TMTC4: variants seen among roughly 807,000 people sequenced by gnomAD.
The protein encoded by TMTC4 is protein O-mannosyl-transferase TMTC4.
Under a neutral mutation model 86.0 loss-of-function variants are expected in TMTC4, and 65 were observed. The ratio of observed to expected loss-of-function variants is 0.76; its 90% confidence interval spans 0.62 to 0.93. The LOEUF (loss-of-function observed/expected upper bound fraction) is 0.93, where lower values mean the gene tolerates loss of function less well. TMTC4 is among the 40% of genes least tolerant of loss of function. TMTC4 has a pLI of 0.00. For missense variants in TMTC4, 866 were observed against 948.1 expected (o/e 0.91, Z 1.14); for synonymous variants, 379 against 382.5 (o/e 0.99, Z 0.11).
intron 16 of TMTC4, among the ~76,000 whole-genome samples, chr13:100,613,560 C>T (rs1010294592): frequency 6.6e-6 from 1 of 152,120 alleles, no homozygotes; most frequent in Non-Finnish European, 1.5e-5. Context: ...TAGTACTATC[C>T]ATGTCATTAG....
At chr13:100,659,907 T>C (rs1885557087) in intron 5 of TMTC4, among the ~76,000 whole-genome samples, 2 of 147,154 alleles carry the variant, frequency 1.4e-5, no homozygotes, top group South Asian at 4.5e-4. Context: ...TCAGGCACAC[T>C]AGATGGCTGA....
chr13:100,644,813 C>G (rs1401542027), intron 6 of TMTC4, among the ~76,000 whole-genome samples: 3 of 144,312 alleles, frequency 2.1e-5, no homozygotes, highest in Non-Finnish European at 4.5e-5. Flanking sequence ...TAAAACACAA[C>G]GAACATACTT....
Position 100,605,766 on chromosome 13 carries a change from T to A in TMTC4, c.2134+592A>T, listed in dbSNP as rs1440888646. 2.6e-5 allele frequency among the ~76,000 whole-genome samples: 4 copies of A among 152,182 alleles called. No individual in the cohort carries two copies. Among genetic ancestry groups the A allele is most frequent in the Non-Finnish European group, 4.4e-5 (3 of 68,038 alleles). On this transcript the variant is annotated intron_variant, in intron 18 of 18. Coordinates refer to ENST00000342624, the MANE Select transcript of TMTC4 (RefSeq NM_032813.5). The surrounding 1 kb of genome is among the most constrained non-coding windows in gnomAD (Gnocchi z 4.3). ...CTTTTTGGCTTTTGTGAAGAGAAGCTTCAGAGTTGGTAGAGAACAGCTTTG... is the reference window on the plus strand; with the variant it reads ...CTTTTTGGCTTTTGTGAAGAGAAGCATCAGAGTTGGTAGAGAACAGCTTTG...
At chr13:100,640,810 CAA>C (rs55847448) in intron 7 of TMTC4, among the ~76,000 whole-genome samples, 25 of 90,122 alleles carry the variant, frequency 2.8e-4, no homozygotes, top group Admixed American at 2.5e-4. Flanking sequence ...GGCTCTGTCT[CAA>C]AAAAAAAAAA....
intron 12 of TMTC4, among the ~76,000 whole-genome samples, chr13:100,633,611 GACA>G (rs1263787055): frequency 6.6e-6 from 1 of 152,168 alleles, no homozygotes; most frequent in Non-Finnish European, 1.5e-5. Context: ...ATTACTTGAT[GACA>G]ACAAGGATAC....
intron 15 of TMTC4, among the ~76,000 whole-genome samples, chr13:100,615,459 CAG>C (rs1566564827): frequency 1.4e-5 from 2 of 139,708 alleles, no homozygotes; most frequent in Admixed American, 7.1e-5. Flanking sequence ...TATTTAGAAA[CAG>C]AGTCTCGCTC....
At chr13:100,661,303 G>A (rs1885748772) in intron 5 of TMTC4, among the ~76,000 whole-genome samples, 1 of 152,198 alleles carries the variant, frequency 6.6e-6, no homozygotes, top group Non-Finnish European at 1.5e-5. Context: ...GCGTGTGAGT[G>A]TGTACGTGTG....
chr13:100,641,564 C>T (rs1460159959), intron 7 of TMTC4, among the ~76,000 whole-genome samples: 2 of 152,058 alleles, frequency 1.3e-5, no homozygotes, highest in South Asian at 2.1e-4. Context: ...CTCGGCTTAC[C>T]GCCACCTCCG....
chr13:100,645,444 G>C (rs759291989), intron 6 of TMTC4, among the ~76,000 whole-genome samples: 2 of 152,198 alleles, frequency 1.3e-5, no homozygotes, highest in African/African-American at 2.4e-5. Flanking sequence ...ACAGTTAAGA[G>C]AGCAAACACC....
chr13:100,642,404 A>G (rs1290236865), intron 6 of TMTC4, 93 bp from the exon 7 acceptor site: 5 of 1,388,784 alleles, frequency 3.6e-6, no homozygotes, highest in Non-Finnish European at 5.1e-6. Flanking sequence ...AATACCTTAA[A>G]CAACCATAAC....
chr13:100,618,486 CTTTTA>C (rs771721758), intron 15 of TMTC4, among the ~76,000 whole-genome samples: 61 of 132,632 alleles, frequency 4.6e-4, no homozygotes, highest in East Asian at 1.1e-3. Context: ...CTCTCTCTCT[CTTTTA>C]TTTTATTTTA....
intron 1 of TMTC4, chr13:100,674,362 G>A (rs1379982369): frequency 2.1e-5 from 20 of 975,094 alleles, no homozygotes; most frequent in Middle Eastern, 1.0e-3. Flanking sequence ...CGGCCAGATG[G>A]CCGCTCCGGG....
intron 15 of TMTC4, among the ~76,000 whole-genome samples, chr13:100,621,258 AG>A (rs1377446837): frequency 1.3e-5 from 2 of 152,134 alleles, no homozygotes; most frequent in African/African-American, 2.4e-5. Context: ...CCAAATCCCA[AG>A]GAACTGCAGT....
At chr13:100,649,181 A>G (rs1884120753) in intron 6 of TMTC4, among the ~76,000 whole-genome samples, 1 of 152,206 alleles carries the variant, frequency 6.6e-6, no homozygotes, top group African/African-American at 2.4e-5. Context: ...CGTTGACAAA[A>G]TGCTTCCAGT....
At chr13:100,630,517 A>G (rs1038672492) in intron 12 of TMTC4, among the ~76,000 whole-genome samples, 1 of 152,118 alleles carries the variant, frequency 6.6e-6, no homozygotes, top group Admixed American at 6.5e-5. Context: ...GTGTGTTGAG[A>G]AAAGTGCTCT....
intron 5 of TMTC4, among the ~76,000 whole-genome samples, chr13:100,657,256 C>T (rs943520389): frequency 7.9e-5 from 12 of 152,158 alleles, no homozygotes; most frequent in Admixed American, 7.2e-4. Flanking sequence ...GCCGTCCTGC[C>T]GATAGAAAAA....
At chr13:100,614,094 C>T (rs1323621749) in intron 16 of TMTC4, among the ~76,000 whole-genome samples, 1 of 151,942 alleles carries the variant, frequency 6.6e-6, no homozygotes, top group Non-Finnish European at 1.5e-5. Flanking sequence ...CCACCTCGGC[C>T]TCCCAAAGCG....
At position 100,633,312 on chromosome 13, in the gene TMTC4, G is replaced by GA. The variant is rs10523073; in HGVS notation, c.1506+1492dup. ...CAACAGAGCAAGACTCCATCTCAGG[G>GA]AAAAAAAAAAAAAAAAAAAAAAAAA... On this transcript the variant is annotated intron_variant, in intron 12 of 18. Transcript: ENST00000342624. Among the ~76,000 whole-genome samples the GA allele has an allele frequency of 3.5e-3, 280 of 79,596 alleles. 11 individuals carry two copies. The highest frequency in any genetic ancestry group is 0.013 in the African/African-American group (263 of 20,868). 52.2% of individuals were successfully genotyped at this position (79,596 alleles called of 152,430 possible). A position where few individuals can be genotyped will look rare whatever the true frequency, so the allele number is the denominator to read the frequency against.
intron 17 of TMTC4, among the ~76,000 whole-genome samples, chr13:100,608,145 G>A (rs1053836565): frequency 6.6e-6 from 1 of 152,194 alleles, no homozygotes; most frequent in African/African-American, 2.4e-5. Context: ...AAAAAGTTAG[G>A]AGTTTTCTAG....
Sources: allele counts gnomAD v4.1 joint callset (sites outside exome capture counted in the v4.1 genomes callset), GRCh38; gene constraint gnomAD v4.1.1; non-coding constraint Gnocchi (gnomAD v3.1); transcripts MANE v1.5; gene names NCBI Gene and HGNC (gene_info 2026-07-23, HGNC 2026-07-21).